Variants in HS3ST2 observed in about 807,000 individuals in gnomAD.
HS3ST2 encodes the protein heparan sulfate-glucosamine 3-sulfotransferase 2, also known as heparan sulfate glucosamine 3-O-sulfotransferase 2.
A neutral mutation model predicts 26.3 loss-of-function variants in HS3ST2; 17 were observed. That is an observed-to-expected ratio of 0.65 (90% CI 0.44 to 0.97). The LOEUF is 0.97. Ranked by LOEUF, HS3ST2 falls within the 50% of genes least tolerant of loss-of-function variation. The pLI is 0.00. For synonymous variants in HS3ST2, 237 were observed against 219.2 expected, an observed-to-expected ratio of 1.08 and a Z score of -0.72; for missense variants, 402 against 501.2, an observed-to-expected ratio of 0.80 and a Z score of 1.89.
chr16:22,882,650 G>C (rs1321694056), intron 1 of HS3ST2, among the ~76,000 whole-genome samples: 3 of 152,076 alleles, frequency 2.0e-5, no homozygotes, highest in African/African-American at 7.2e-5. Flanking sequence ...AGACTTGCTT[G>C]AACCCAGGAG....
At chr16:22,826,826 C>T (rs1901093417) in intron 1 of HS3ST2, among the ~76,000 whole-genome samples, 1 of 152,178 alleles carries the variant, frequency 6.6e-6, no homozygotes, top group Non-Finnish European at 1.5e-5. Context: ...TGAGCACCTA[C>T]TGTGTGTCAG....
At chr16:22,904,320 C>T (rs74817977) in intron 1 of HS3ST2, among the ~76,000 whole-genome samples, 2,418 of 152,262 alleles carry the variant, frequency 0.016, 44 homozygotes, top group South Asian at 0.071. Flanking sequence ...GCTCAATAAA[C>T]GCTTGTCTCA....
intron 1 of HS3ST2, among the ~76,000 whole-genome samples, chr16:22,871,115 T>C (rs909559821): frequency 7.9e-5 from 12 of 152,168 alleles, no homozygotes; most frequent in African/African-American, 2.9e-4. Flanking sequence ...CCCAGCACTT[T>C]GGGAGACCCA....
At chr16:22,865,318 G>A (rs901247573) in intron 1 of HS3ST2, among the ~76,000 whole-genome samples, 1 of 152,094 alleles carries the variant, frequency 6.6e-6, no homozygotes, top group South Asian at 2.1e-4. Context: ...ACTTTGGGAG[G>A]CCGAGGAGGG....
chr16:22,841,698 T>C (rs1338110608), intron 1 of HS3ST2, among the ~76,000 whole-genome samples: 1 of 152,236 alleles, frequency 6.6e-6, no homozygotes. Context: ...AAAACAAGAT[T>C]GTAGATTTAT....
At chr16:22,885,377 C>G (rs1281074663) in intron 1 of HS3ST2, among the ~76,000 whole-genome samples, 10 of 151,684 alleles carry the variant, frequency 6.6e-5, no homozygotes. Context: ...GGGGCTATTG[C>G]TCTTAAATCT....
intron 1 of HS3ST2, among the ~76,000 whole-genome samples, chr16:22,904,139 C>T (rs1031776492): frequency 6.6e-6 from 1 of 152,128 alleles, no homozygotes; most frequent in African/African-American, 2.4e-5. Context: ...ACCTTTCCCA[C>T]CAGAGGAAGA....
intron 1 of HS3ST2, among the ~76,000 whole-genome samples, chr16:22,874,154 A>G (rs931579703): frequency 1.3e-5 from 2 of 152,146 alleles, no homozygotes; most frequent in Admixed American, 1.3e-4. Flanking sequence ...ATTTTTGCAA[A>G]CAGCAGGCCC....
intron 1 of HS3ST2, among the ~76,000 whole-genome samples, chr16:22,875,916 A>C (rs1419494163): frequency 6.6e-6 from 1 of 152,230 alleles, no homozygotes; most frequent in African/African-American, 2.4e-5. Context: ...TACAGTATTC[A>C]GGACAGCAAC....
intron 1 of HS3ST2, among the ~76,000 whole-genome samples, chr16:22,818,541 G>A (rs1900908699): frequency 6.6e-6 from 1 of 152,134 alleles, no homozygotes; most frequent in African/African-American, 2.4e-5. Context: ...TGATGCTGCT[G>A]CTGTTACTAA....
At chr16:22,822,060 G>A (rs567085558) in intron 1 of HS3ST2, among the ~76,000 whole-genome samples, 3 of 152,316 alleles carry the variant, frequency 2.0e-5, no homozygotes, top group African/African-American at 7.2e-5. Flanking sequence ...TCTAGGTGGA[G>A]GCTAAAGGAC....
chr16:22,817,324 G>A (rs1900885217), intron 1 of HS3ST2, among the ~76,000 whole-genome samples: 1 of 151,944 alleles, frequency 6.6e-6, no homozygotes, highest in African/African-American at 2.4e-5. Context: ...AGGCTGGGAG[G>A]CTCCAGTGTC....
At chr16:22,874,852 T>C (rs1004535173) in intron 1 of HS3ST2, among the ~76,000 whole-genome samples, 1 of 152,186 alleles carries the variant, frequency 6.6e-6, no homozygotes, top group East Asian at 1.9e-4. Context: ...GCTGAGTTGA[T>C]AAAGTGGTCA....
intron 1 of HS3ST2, among the ~76,000 whole-genome samples, chr16:22,904,498 A>G (rs1902322740): frequency 6.6e-6 from 1 of 152,190 alleles, no homozygotes; most frequent in African/African-American, 2.4e-5. Flanking sequence ...GAATCACAAG[A>G]GTAAAAAAAC....
At chr16:22,901,467 C>T (rs909217858) in intron 1 of HS3ST2, among the ~76,000 whole-genome samples, 8 of 152,120 alleles carry the variant, frequency 5.3e-5, no homozygotes, top group East Asian at 1.9e-4. Flanking sequence ...GACCCCTACA[C>T]GAGATTCAAA....
chr16:22,838,965 C>A (rs1292313345), intron 1 of HS3ST2, among the ~76,000 whole-genome samples: 1 of 152,176 alleles, frequency 6.6e-6, no homozygotes, highest in African/African-American at 2.4e-5. Flanking sequence ...CCTGCAGAGT[C>A]CAGCCTGCAC....
rs145745779 is a variant in HS3ST2, at chr16:22,873,275, C to T, written c.486-41669C>T. On this transcript the variant is annotated intron_variant, in intron 1 of 1. Transcript: ENST00000261374. The stretch of plus-strand genomic sequence containing the variant: ...TTCTCTGAGCCTCACCTTCAGTATG[C>T]GTAGAAGCAGAATCTATTTCACAGG... 1.9e-4 allele frequency among the ~76,000 whole-genome samples: 29 copies of T among 152,208 alleles called. 1 individual carries two copies. The highest frequency in any genetic ancestry group is 6.7e-4 in the African/African-American group (28 of 41,550).
At chr16:22,852,646 C>T (rs1490792595) in intron 1 of HS3ST2, among the ~76,000 whole-genome samples, 1 of 152,130 alleles carries the variant, frequency 6.6e-6, no homozygotes, top group African/African-American at 2.4e-5. Context: ...TGCCCCTTCC[C>T]CTCTCTGTCA....
chr16:22,821,850 G>GT (rs1441517700), intron 1 of HS3ST2, among the ~76,000 whole-genome samples: 1 of 152,146 alleles, frequency 6.6e-6, no homozygotes, highest in Admixed American at 6.5e-5. Context: ...TATTAAGTAT[G>GT]TTTTTCCAGG....
Sources: allele counts gnomAD v4.1 joint callset (sites outside exome capture counted in the v4.1 genomes callset), GRCh38; gene constraint gnomAD v4.1.1; transcripts MANE v1.5; gene names NCBI Gene and HGNC (gene_info 2026-07-23, HGNC 2026-07-21).